The following RGS9 variants were observed in gnomAD, a reference collection of about 807,000 sequenced individuals.
RGS9 encodes regulator of G-protein signalling 9.
A neutral mutation model predicts 102.0 loss-of-function variants in RGS9; 78 were observed. That is an observed-to-expected ratio of 0.76 (90% CI 0.64 to 0.92). The LOEUF is 0.92. RGS9 is among the 40% of genes least tolerant of loss of function. The pLI is 0.00. For synonymous variants in RGS9, 353 were observed against 318.6 expected (o/e 1.11, Z -1.15); for missense variants, 833 against 866.1 (o/e 0.96, Z 0.48).
intron 9 of RGS9, among the ~76,000 whole-genome samples, chr17:65,183,486 G>A (rs977852031): frequency 2.0e-5 from 3 of 151,952 alleles, no homozygotes; most frequent in Admixed American, 6.6e-5. Context: ...TAGTAGAGAC[G>A]GGGTTTCACC....
At position 65,173,185 on chromosome 17, in the gene RGS9, G is replaced by T. The variant is rs760292254; in HGVS notation, c.583-4547G>T. Among the ~76,000 whole-genome samples the T allele has an allele frequency of 5.3e-5, 8 of 152,038 alleles. No individual in the cohort carries two copies. Among genetic ancestry groups the T allele is most frequent in the Non-Finnish European group, 5.9e-5 (4 of 68,000 alleles). On this transcript the variant is annotated intron_variant, in intron 8 of 18. Transcript: ENST00000262406. This position sits in a 1 kb window ranked among gnomAD's most constrained non-coding sequence, Gnocchi z 4.8. ...GATCTGCCGGCCTCAGGCTTTCAAAGTGCTGGGATTACAGGCATGAGCCAC... is the reference window on the plus strand; with the variant it reads ...GATCTGCCGGCCTCAGGCTTTCAAATTGCTGGGATTACAGGCATGAGCCAC...
intron 7 of RGS9, among the ~76,000 whole-genome samples, chr17:65,165,633 C>T (rs1911147889): frequency 6.6e-6 from 1 of 152,084 alleles, no homozygotes; most frequent in Non-Finnish European, 1.5e-5. Context: ...CAGTATCACC[C>T]ATATCAGTAC....
rs1439255067 is a variant in RGS9, at chr17:65,207,951, G to A, written c.1233G>A (p.Pro411=). The change falls in exon 16 of 19, where the codon CCG becomes CCA. Residue 411 remains proline, a synonymous_variant. Transcript: ENST00000262406. ...KDSYARYLKS[P]IYKDMLAKAI... ...CTTATGCTCGCTATTTAAAATCTCC[G>A]ATCTATAAGGACATGCTGGCCAAAG... is the stretch of plus-strand genomic sequence containing the variant. 12 of 1,612,732 alleles carry A rather than the reference G, an allele frequency of 7.4e-6. No individual in the cohort carries two copies. Among genetic ancestry groups the A allele is most frequent in the Admixed American group, 1.7e-5 (1 of 59,966 alleles).
chr17:65,209,280 ACCC>A (rs1314938583), intron 16 of RGS9, among the ~76,000 whole-genome samples: 1 of 152,174 alleles, frequency 6.6e-6, no homozygotes, highest in Non-Finnish European at 1.5e-5. Context: ...ATGACAAGTT[ACCC>A]CTAGCTCCAA....
At chr17:65,138,267 C>T (rs1185130913) in intron 1 of RGS9, among the ~76,000 whole-genome samples, 12 of 152,088 alleles carry the variant, frequency 7.9e-5, no homozygotes, top group Admixed American at 7.9e-4. Flanking sequence ...TTCTGAGCTT[C>T]TGGTATAATC....
chr17:65,149,679 A>G (rs1910504265), intron 1 of RGS9, among the ~76,000 whole-genome samples: 1 of 152,246 alleles, frequency 6.6e-6, no homozygotes, highest in African/African-American at 2.4e-5. Flanking sequence ...GATAAAGCAT[A>G]TATCTTCATG....
chr17:65,190,199 A>T lies in RGS9; in HGVS notation c.709A>T (p.Met237Leu), dbSNP rs758591262. The change falls in exon 11 of 19, where the codon ATG becomes TTG. Residue 237 changes from methionine (M) to leucine (L), a missense_variant. Transcript: ENST00000262406. ...GATCATGTATTACCAACAGGCCTTG[A>T]TGAGGTCCACAGTGAAGTCTTCTGT... Reference protein sequence around the residue: ...KEIMYYQQALMRSTVKSSVSL... With the variant: ...KEIMYYQQALLRSTVKSSVSL... 1 of 1,613,798 alleles carries T rather than the reference A, an allele frequency of 6.2e-7. No individual in the cohort carries two copies. The highest frequency in any genetic ancestry group is 1.3e-5 in the African/African-American group (1 of 74,924).
At chr17:65,139,098 GC>G (rs1910042866) in intron 1 of RGS9, among the ~76,000 whole-genome samples, 1 of 5,150 alleles carries the variant, frequency 1.9e-4, no homozygotes, top group Non-Finnish European at 6.5e-4. Context: ...CTCCACCCCA[GC>G]TCTCCCCCCT....
At chr17:65,166,930 G>A (rs974558503) in intron 7 of RGS9, among the ~76,000 whole-genome samples, 1 of 152,234 alleles carries the variant, frequency 6.6e-6, no homozygotes, top group African/African-American at 2.4e-5. Context: ...CTCCCTGAGT[G>A]TTATGATGTT....
chr17:65,149,663 T>C (rs1910503622), intron 1 of RGS9, among the ~76,000 whole-genome samples: 1 of 152,186 alleles, frequency 6.6e-6, no homozygotes. Context: ...AACATATGTC[T>C]CTCCTGATAA....
chr17:65,225,501 G>T lies in RGS9; in HGVS notation c.1892+15G>T, dbSNP rs1182035809. On this transcript the variant is annotated intron_variant, in intron 18 of 18. Transcript: ENST00000262406. ...AGAGTAGCAAAGTAAGAACCCGAAG[G>T]GGACGTGCCGTATGCATGGGTGGCT... is the stretch of plus-strand genomic sequence containing the variant. 6.3e-7 allele frequency: 1 copy of T among 1,599,940 alleles called. No individual in the cohort carries two copies. Among genetic ancestry groups the T allele is most frequent in the East Asian group, 2.2e-5 (1 of 44,882 alleles).
intron 17 of RGS9, among the ~76,000 whole-genome samples, chr17:65,215,474 C>CTCTTTCTTTCTT (rs1913461523): frequency 2.9e-5 from 4 of 137,118 alleles, no homozygotes; most frequent in African/African-American, 6.5e-5. Flanking sequence ...TTCTTTCTTT[C>CTCTTTCTTTCTT]TCTATCTTTC....
In RGS9 at chr17:65,208,013, T is replaced by A. The variant is rs759071085; in HGVS notation, c.1289+6T>A. 2.5e-6 allele frequency: 4 copies of A among 1,593,326 alleles called. No homozygotes were observed. Among genetic ancestry groups the A allele is most frequent in the Non-Finnish European group, 3.4e-6 (4 of 1,162,756 alleles). ...CAGGAAACCACCAAGAAAAGGCAAG[T>A]GGAATTATCTGTAATTGCTGGCTGC... is the stretch of plus-strand genomic sequence containing the variant. On this transcript the variant is annotated splice_donor_region_variant and intron_variant, in intron 16 of 18. Coordinates refer to ENST00000262406, the MANE Select transcript of RGS9 (RefSeq NM_003835.4).
intron 9 of RGS9, 93 bp downstream of exon 9, chr17:65,177,896 G>T: frequency 1.0e-6 from 1 of 964,596 alleles, no homozygotes; most frequent in Non-Finnish European, 1.7e-6. Context: ...TTAGGGCAAC[G>T]ATATCTCCTC....
At chr17:65,188,339 C>T (rs769335481) in intron 9 of RGS9, among the ~76,000 whole-genome samples, 1 of 152,224 alleles carries the variant, frequency 6.6e-6, no homozygotes, top group Non-Finnish European at 1.5e-5. Context: ...CCCAGTATGA[C>T]CCTGCTCCAA....
At position 65,225,326 on chromosome 17, in the gene RGS9, A is replaced by G; in HGVS notation, c.1732A>G (p.Met578Val). 3 of 1,610,870 alleles carry G rather than the reference A, an allele frequency of 1.9e-6. No homozygotes were observed. Among genetic ancestry groups the G allele is most frequent in the Non-Finnish European group, 1.7e-6 (2 of 1,180,010 alleles). ...SRPRAPPKAR[M>V]ALSFSRFLRR... Reference sequence around the variant, plus strand: ...GCCCAGGGCCCCTCCTAAGGCCCGCATGGCTCTGTCCTTCAGCAGGTTTCT... The same window carrying G: ...GCCCAGGGCCCCTCCTAAGGCCCGCGTGGCTCTGTCCTTCAGCAGGTTTCT... Residue 578 changes from methionine to valine, a missense_variant, in exon 18 of 19, where the codon ATG (methionine) becomes GTG (valine). By Grantham distance (21) the Met-to-Val change is conservative (BLOSUM62 1). Coordinates refer to ENST00000262406, the MANE Select transcript of RGS9 (RefSeq NM_003835.4).
intron 5 of RGS9, 50 bp from the exon 6 acceptor site, chr17:65,160,801 A>T: frequency 1.9e-6 from 3 of 1,584,976 alleles, no homozygotes; most frequent in Non-Finnish European, 1.7e-6. Context: ...GAGGCTGCAG[A>T]TGGGGTTTTG....
chr17:65,197,257 C>T lies in RGS9; in HGVS notation c.976+16C>T, dbSNP rs760963152. 2.0e-6 allele frequency: 3 copies of T among 1,493,668 alleles called. No individual in the cohort carries two copies. Among genetic ancestry groups the T allele is most frequent in the Non-Finnish European group, 2.8e-6 (3 of 1,077,634 alleles). 92.5% of individuals were successfully genotyped at this position (1,493,668 alleles called of 1,614,324 possible). On this transcript the variant is annotated intron_variant, in intron 13 of 18. Coordinates refer to ENST00000262406, the MANE Select transcript of RGS9 (RefSeq NM_003835.4). Reference sequence around the variant, plus strand: ...GAATTCAGTGGTGGGTCTTTGTTTACAAAAAAAAATTAAAATAACTTACTT... The same window carrying T: ...GAATTCAGTGGTGGGTCTTTGTTTATAAAAAAAAATTAAAATAACTTACTT...
At chr17:65,177,216 C>T (rs534566936) in intron 8 of RGS9, among the ~76,000 whole-genome samples, 71 of 151,574 alleles carry the variant, frequency 4.7e-4, no homozygotes, top group African/African-American at 1.6e-3. Flanking sequence ...CCACCATCCA[C>T]CTACCACCCA....
Sources: gnomAD v4.1 joint callset for allele counts (sites outside exome capture counted in the v4.1 genomes callset) on GRCh38, gnomAD v4.1.1 for gene constraint, Gnocchi (gnomAD v3.1) non-coding constraint, MANE v1.5 for transcripts, NCBI Gene and HGNC (gene_info 2026-07-23, HGNC 2026-07-21) for gene names.